The following ERICH1 variants were observed in gnomAD, a reference collection of about 807,000 sequenced individuals.
The protein encoded by ERICH1 is glutamate-rich protein 1.
In ERICH1, 56 loss-of-function variants were observed where a neutral mutation model predicts 39.6. The observed-to-expected ratio is 1.41, with a 90% CI of 1.14 to 1.77. The LOEUF (loss-of-function observed/expected upper bound fraction) is 1.77, where lower values mean the gene tolerates loss of function less well. Among genes scored for constraint, ERICH1 ranks in the 40% most tolerant of loss-of-function variants. The pLI, the probability that ERICH1 is intolerant of heterozygous loss-of-function variation, is 0.00. For missense variants in ERICH1, 826 were observed against 575.4 expected (o/e 1.44, Z -4.45); for synonymous variants, 313 against 223.6 (o/e 1.40, Z -3.57).
downstream of ERICH1, among the ~76,000 whole-genome samples, chr8:662,773 T>C (rs1801619921): frequency 6.6e-6 from 1 of 152,106 alleles, no homozygotes; most frequent in African/African-American, 2.4e-5. Context: ...GGAGTCCGGC[T>C]TGGACACCAC....
At chr8:654,648 C>T (rs539355597) in intron 3 of ERICH1, among the ~76,000 whole-genome samples, 16 of 152,248 alleles carry the variant, frequency 1.1e-4, no homozygotes, top group African/African-American at 3.6e-4. Flanking sequence ...GGAAAGGAAC[C>T]TCCCACTGTC....
At chr8:617,068 C>T (rs1016977122) in intron 3 of ERICH1, among the ~76,000 whole-genome samples, 2 of 152,090 alleles carry the variant, frequency 1.3e-5, no homozygotes, top group East Asian at 1.9e-4. Context: ...CACTTTGACT[C>T]TTTGTCCCAG....
In ERICH1 at chr8:695,056, C is replaced by T. The variant is rs141842897; in HGVS notation, c.170-2444G>A. Among the ~76,000 whole-genome samples, 1,288 of 152,192 alleles carry T rather than the reference C, an allele frequency of 8.5e-3. 21 individuals carry two copies. Among genetic ancestry groups the T allele is most frequent in the African/African-American group, 0.029 (1,218 of 41,508 alleles). On this transcript the variant is annotated intron_variant, in intron 2 of 5. Transcript: ENST00000262109. ...TGGCTCGGAGCCCTAGGGTGATAGG[C>T]GGTTGGCTGCCCTGTGGGTTTCACC... is the stretch of plus-strand genomic sequence containing the variant.
At chr8:722,352 A>G (rs908107490) in intron 1 of ERICH1, among the ~76,000 whole-genome samples, 1 of 152,108 alleles carries the variant, frequency 6.6e-6, no homozygotes, top group Non-Finnish European at 1.5e-5. Flanking sequence ...TGAAATTCAC[A>G]TGCCGCAACA....
chr8:712,267 C>T (rs1011116090), intron 2 of ERICH1, among the ~76,000 whole-genome samples: 1 of 152,062 alleles, frequency 6.6e-6, no homozygotes, highest in African/African-American at 2.4e-5. Flanking sequence ...ATCGAGTCTT[C>T]CTATCCATGA....
chr8:623,963 T>A (rs558674586), intron 3 of ERICH1, among the ~76,000 whole-genome samples: 1 of 152,190 alleles, frequency 6.6e-6, no homozygotes, highest in South Asian at 2.1e-4. Context: ...GAAGACAACA[T>A]ACAGAATGGG....
At chr8:685,153 A>T (rs1217622539) in intron 3 of ERICH1, among the ~76,000 whole-genome samples, 1 of 152,156 alleles carries the variant, frequency 6.6e-6, no homozygotes, top group Non-Finnish European at 1.5e-5. Context: ...GCCATTTTAG[A>T]GATCCCCCTC....
intron 4 of ERICH1, among the ~76,000 whole-genome samples, chr8:670,067 C>T (rs555751905): frequency 5.3e-5 from 8 of 152,282 alleles, no homozygotes; most frequent in Admixed American, 3.3e-4. Flanking sequence ...GTTTTCCACC[C>T]GTTTTCTCTC....
At chr8:682,200 G>A (rs968930461) in intron 3 of ERICH1, among the ~76,000 whole-genome samples, 6 of 152,076 alleles carry the variant, frequency 3.9e-5, no homozygotes, top group African/African-American at 9.7e-5. Context: ...CTTGACCACC[G>A]TAACACAATT....
chr8:684,405 T>C lies in ERICH1; in HGVS notation c.304+8073A>G, dbSNP rs1806833052. Among the ~76,000 whole-genome samples the C allele has an allele frequency of 2.0e-5, 3 of 152,292 alleles. No homozygotes were observed. The South Asian group carries it at 6.2e-4, about 32-fold the overall frequency. On this transcript the variant is annotated intron_variant, in intron 3 of 5. Coordinates refer to ENST00000262109, the MANE Select transcript of ERICH1 (RefSeq NM_207332.3). ...AGTAAATTTAAATAGAGTAAATGTA[T>C]CCACAAAAAAATGTTAAAATGAGGT...
At chr8:665,522 C>T (rs55913272) in intron 5 of ERICH1, among the ~76,000 whole-genome samples, 2,945 of 152,292 alleles carry the variant, frequency 0.019, 41 homozygotes, top group Non-Finnish European at 0.028. Context: ...GGCTCCATCC[C>T]GCCCAGGGGC....
chr8:727,303 C>T (rs1275462573), intron 1 of ERICH1, among the ~76,000 whole-genome samples: 5 of 152,214 alleles, frequency 3.3e-5, no homozygotes, highest in Non-Finnish European at 5.9e-5. Flanking sequence ...ACATCTCTCC[C>T]GGACTACCAG....
At chr8:637,024 C>T (rs1217076905) in intron 3 of ERICH1, among the ~76,000 whole-genome samples, 1 of 152,364 alleles carries the variant, frequency 6.6e-6, no homozygotes, top group Admixed American at 6.5e-5. Flanking sequence ...GCACCGAAGG[C>T]GTCCAAACCA....
chr8:683,301 C>A (rs1009400525), intron 3 of ERICH1, among the ~76,000 whole-genome samples: 1 of 152,120 alleles, frequency 6.6e-6, no homozygotes, highest in African/African-American at 2.4e-5. Flanking sequence ...AAAATTCAGA[C>A]CCAGCAGACA....
At chr8:617,259 C>A (rs1003508907) in intron 3 of ERICH1, among the ~76,000 whole-genome samples, 1 of 152,124 alleles carries the variant, frequency 6.6e-6, no homozygotes, top group Non-Finnish European at 1.5e-5. Context: ...TTGCTGGGAG[C>A]GTGTTCTAAG....
At chr8:699,503 GC>G (rs1185109866) in intron 2 of ERICH1, among the ~76,000 whole-genome samples, 5 of 152,168 alleles carry the variant, frequency 3.3e-5, no homozygotes, top group African/African-American at 9.7e-5. Context: ...TCCGCTGGGC[GC>G]CGCACCCAGA....
At chr8:701,377 CCATACCTA>C (rs1301969648) in intron 2 of ERICH1, among the ~76,000 whole-genome samples, 1 of 152,158 alleles carries the variant, frequency 6.6e-6, no homozygotes, top group Non-Finnish European at 1.5e-5. Context: ...CGGGAGCACG[CCATACCTA>C]CGGGTCTGCC....
rs549624809 is a variant in ERICH1, at chr8:705,238, C to G, written c.169+10623G>C. ...GTGGGCACTGTTCCTCATCCGGCTGCCTCCTGTCCCTCACAGAGCGCCACT... is the reference window on the plus strand; with the variant it reads ...GTGGGCACTGTTCCTCATCCGGCTGGCTCCTGTCCCTCACAGAGCGCCACT... On this transcript the variant is annotated intron_variant, in intron 2 of 5. Transcript: ENST00000262109. 2.6e-4 allele frequency among the ~76,000 whole-genome samples: 39 copies of G among 152,388 alleles called. 1 individual carries two copies. In the South Asian group the frequency reaches 7.5e-3, roughly 29 times the overall value.
At chr8:668,360 C>T (rs955877950) in intron 5 of ERICH1, 9 of 554,360 alleles carry the variant, frequency 1.6e-5, no homozygotes, top group Non-Finnish European at 2.6e-5. Context: ...GAGTTGACAG[C>T]TCCCAAGTCC....
Sources: allele counts gnomAD v4.1 joint callset (sites outside exome capture counted in the v4.1 genomes callset), GRCh38; gene constraint gnomAD v4.1.1; transcripts MANE v1.5; gene names NCBI Gene and HGNC (gene_info 2026-07-23, HGNC 2026-07-21).